Variants in FILIP1L observed in about 807,000 individuals in gnomAD.
The protein encoded by FILIP1L is filamin A-interacting protein 1-like.
A neutral mutation model predicts 96.6 loss-of-function variants in FILIP1L; 55 were observed. That is an observed-to-expected ratio of 0.57 (90% confidence interval 0.46 to 0.71). FILIP1L has a LOEUF of 0.71. Ranked by LOEUF, FILIP1L falls within the 30% of genes least tolerant of loss-of-function variation. The probability of loss-of-function intolerance (pLI) is 0.00; values close to 1 mark genes in which losing one functional copy is unlikely to be tolerated. For synonymous variants in FILIP1L, 467 were observed against 473.9 expected (o/e 0.99, Z 0.19); for missense variants, 1,304 against 1,321.2 (o/e 0.99, Z 0.20).
intron 4 of FILIP1L, among the ~76,000 whole-genome samples, chr3:99,885,598 A>C (rs1705866668): frequency 6.6e-6 from 1 of 152,262 alleles, no homozygotes; most frequent in African/African-American, 2.4e-5. Context: ...TCAAAATGTA[A>C]AAGTGGCTTA....
intron 1 of FILIP1L, among the ~76,000 whole-genome samples, chr3:100,018,727 C>A (rs1435256307): frequency 5.3e-5 from 5 of 94,176 alleles, no homozygotes; most frequent in African/African-American, 1.2e-4. Context: ...TTAAAAGTTT[C>A]CGCATAGCAA....
intron 5 of FILIP1L, among the ~76,000 whole-genome samples, chr3:99,844,707 G>C (rs942519304): frequency 6.6e-6 from 1 of 152,156 alleles, no homozygotes; most frequent in African/African-American, 2.4e-5. Context: ...TTATGTATGT[G>C]GTTTAGCTCT....
chr3:99,847,861 A>G (rs1253380357), intron 5 of FILIP1L: 1 of 824,182 alleles, frequency 1.2e-6, no homozygotes, highest in African/African-American at 1.9e-5. Context: ...TAAGCAAAAG[A>G]CAAAATTCTA....
At chr3:99,938,192 A>G (rs905574816) in intron 1 of FILIP1L, among the ~76,000 whole-genome samples, 16 of 152,196 alleles carry the variant, frequency 1.1e-4, no homozygotes, top group African/African-American at 3.1e-4. Context: ...TTTCGATCAT[A>G]AATACCCTGA....
At chr3:99,836,585 T>G (rs1942907401) in intron 5 of FILIP1L, among the ~76,000 whole-genome samples, 1 of 152,172 alleles carries the variant, frequency 6.6e-6, no homozygotes, top group Non-Finnish European at 1.5e-5. Context: ...CCATAGGTAC[T>G]TCTACATCCC....
intron 1 of FILIP1L, among the ~76,000 whole-genome samples, chr3:99,932,119 GT>G (rs924678375): frequency 1.3e-5 from 2 of 152,080 alleles, no homozygotes; most frequent in Non-Finnish European, 2.9e-5. Flanking sequence ...TTAGAAAACA[GT>G]TTTTAAGTAC....
At chr3:99,968,540 A>T (rs1209958948) in intron 1 of FILIP1L, among the ~76,000 whole-genome samples, 1 of 152,156 alleles carries the variant, frequency 6.6e-6, no homozygotes, top group Non-Finnish European at 1.5e-5. Context: ...GGAAATACAG[A>T]TTTGGAAGTC....
At chr3:99,848,137 G>T in intron 5 of FILIP1L, 158 bp downstream of exon 5, 1 of 1,488,890 alleles carries the variant, frequency 6.7e-7, no homozygotes, top group Non-Finnish European at 8.9e-7. Context: ...GTTAGTTTCA[G>T]ATACTCTTGT....
chr3:100,025,677 G>C (rs1460612958), intron 1 of FILIP1L: 2 of 152,088 alleles, frequency 1.3e-5, no homozygotes, highest in African/African-American at 4.8e-5. Flanking sequence ...AACATACCAG[G>C]TCGTCCACAG....
At chr3:100,038,315 A>G (rs555866489) in intron 1 of FILIP1L, among the ~76,000 whole-genome samples, 1 of 152,344 alleles carries the variant, frequency 6.6e-6, no homozygotes, top group African/African-American at 2.4e-5. Flanking sequence ...GTAATGAAGT[A>G]ATGAGTCTAT....
At chr3:99,898,053 C>T (rs917035358) in intron 4 of FILIP1L, 7 of 151,974 alleles carry the variant, frequency 4.6e-5, no homozygotes, top group Admixed American at 1.3e-4. Context: ...AGTTAGTCGT[C>T]AGAATGTATT....
At chr3:100,031,371 C>G (rs2065019250) in intron 1 of FILIP1L, among the ~76,000 whole-genome samples, 2 of 152,020 alleles carry the variant, frequency 1.3e-5, no homozygotes, top group Non-Finnish European at 2.9e-5. Context: ...TCCTGTTACC[C>G]TCGTTTCCAC....
At chr3:99,946,660 C>T (rs1344806291) in intron 1 of FILIP1L, among the ~76,000 whole-genome samples, 1 of 152,188 alleles carries the variant, frequency 6.6e-6, no homozygotes, top group Non-Finnish European at 1.5e-5. Flanking sequence ...AGTTACCATG[C>T]ACATCATAAT....
At chr3:99,920,553 A>C (rs1707093215) in intron 4 of FILIP1L, among the ~76,000 whole-genome samples, 1 of 152,232 alleles carries the variant, frequency 6.6e-6, no homozygotes, top group Admixed American at 6.5e-5. Flanking sequence ...GTTGTCATGA[A>C]ACATGGATAG....
intron 1 of FILIP1L, chr3:100,011,871 C>T (rs2107196762): frequency 6.6e-6 from 1 of 152,236 alleles, no homozygotes; most frequent in East Asian, 1.9e-4. Context: ...TGTTAAAATT[C>T]AAGTTTTAGT....
chr3:99,850,603 A>AT lies in FILIP1L; in HGVS notation c.1072dup (p.Ile358AsnfsTer3), dbSNP rs1311581659. On this transcript the variant is annotated frameshift_variant, in exon 5 of 6. Transcript: ENST00000477258. LOFTEE classifies it high-confidence loss of function. ...AGCGTTTCCATATTCTCCCTTACTG[A>AT]TTTTTTCTTTTATATCTTGCAGCTC... 3.7e-6 allele frequency: 6 copies of AT among 1,613,072 alleles called. No homozygotes were observed. The highest frequency in any genetic ancestry group is 4.2e-6 in the Non-Finnish European group (5 of 1,179,872).
At chr3:99,992,860 C>T (rs1376097580) in intron 1 of FILIP1L, among the ~76,000 whole-genome samples, 1 of 151,824 alleles carries the variant, frequency 6.6e-6, no homozygotes, top group Non-Finnish European at 1.5e-5. Flanking sequence ...GAAGTATGAA[C>T]CCAGTTTCAT....
chr3:99,981,594 C>T (rs1045154889), intron 1 of FILIP1L, among the ~76,000 whole-genome samples: 1 of 152,074 alleles, frequency 6.6e-6, no homozygotes, highest in African/African-American at 2.4e-5. Flanking sequence ...GTATTTAATG[C>T]AGATTTAATG....
chr3:100,104,452 A>G (rs921680159), intron 1 of FILIP1L, among the ~76,000 whole-genome samples: 8 of 152,200 alleles, frequency 5.3e-5, no homozygotes, highest in East Asian at 1.9e-4. Flanking sequence ...AGATGTAGCA[A>G]TGTGGTTACC....
Sources: allele counts gnomAD v4.1 joint callset (sites outside exome capture counted in the v4.1 genomes callset), GRCh38; gene constraint gnomAD v4.1.1; transcripts MANE v1.5; gene names NCBI Gene and HGNC (gene_info 2026-07-23, HGNC 2026-07-21).